GRID1: variants seen among roughly 807,000 people sequenced by gnomAD.
GRID1 encodes glutamate receptor ionotropic, delta-1.
GRID1 carries 28 observed loss-of-function variants against 98.0 expected under a neutral mutation model. That is an observed-to-expected ratio of 0.29 (90% CI 0.21 to 0.39). The LOEUF (loss-of-function observed/expected upper bound fraction) is 0.39, where lower values mean the gene tolerates loss of function less well. Among genes scored for constraint, GRID1 ranks in the 10% least tolerant of loss-of-function variants. The pLI is 1.00. For synonymous variants in GRID1, 553 were observed against 538.5 expected (o/e 1.03, Z -0.37); for missense variants, 1,111 against 1,340.5 (o/e 0.83, Z 2.67).
In GRID1 at chr10:85,762,608, C is replaced by T. The variant is rs144061134; in HGVS notation, c.1234-32994G>A. Among the ~76,000 whole-genome samples, 7 of 152,232 alleles carry T rather than the reference C, an allele frequency of 4.6e-5. No individual in the cohort carries two copies. In the East Asian group the frequency reaches 1.4e-3, roughly 29 times the overall value. ...CTTTCAGATAAGCCCTAGACTGCTGCGTGTGCCAGAGAGAGGGCAAAAGGC... is the reference window on the plus strand; with the variant it reads ...CTTTCAGATAAGCCCTAGACTGCTGTGTGTGCCAGAGAGAGGGCAAAAGGC... On this transcript the variant is annotated intron_variant, in intron 8 of 15. Transcript: ENST00000327946.
chr10:86,252,314 T>A (rs1217938357), intron 2 of GRID1, among the ~76,000 whole-genome samples: 1 of 152,210 alleles, frequency 6.6e-6, no homozygotes, highest in Non-Finnish European at 1.5e-5. Context: ...GTCACATCCA[T>A]CCAGGCCTGG....
chr10:85,628,326 A>AAT (rs1308769400), intron 13 of GRID1, among the ~76,000 whole-genome samples: 1 of 151,262 alleles, frequency 6.6e-6, no homozygotes, highest in East Asian at 1.9e-4. Context: ...AGTGTGAGGG[A>AAT]ATGTGTGTGT....
At chr10:86,181,883 G>C (rs779886767) in intron 3 of GRID1, among the ~76,000 whole-genome samples, 3 of 152,126 alleles carry the variant, frequency 2.0e-5, no homozygotes, top group Non-Finnish European at 2.9e-5. Flanking sequence ...GGGCAGGAAC[G>C]TTGACCCCCT....
intron 8 of GRID1, among the ~76,000 whole-genome samples, chr10:85,854,018 C>T (rs953720454): frequency 1.3e-5 from 2 of 152,162 alleles, no homozygotes; most frequent in Non-Finnish European, 2.9e-5. Context: ...TTTATCTTTC[C>T]GCTGGCCTCT....
At chr10:85,907,779 T>C (rs975321333) in intron 5 of GRID1, among the ~76,000 whole-genome samples, 1 of 152,020 alleles carries the variant, frequency 6.6e-6, no homozygotes, top group Non-Finnish European at 1.5e-5. Context: ...AATCAAAAAT[T>C]TAATGAATCA....
intron 12 of GRID1, among the ~76,000 whole-genome samples, chr10:85,699,241 T>A (rs759443649): frequency 6.6e-6 from 1 of 151,972 alleles, no homozygotes. Flanking sequence ...TTAGTAACTA[T>A]GGGGTTTTGC....
intron 2 of GRID1, among the ~76,000 whole-genome samples, chr10:86,270,181 C>A (rs925979579): frequency 3.3e-5 from 5 of 152,214 alleles, no homozygotes; most frequent in African/African-American, 1.2e-4. Context: ...CTTTCCCTCA[C>A]CCCTTCAGAC....
intron 4 of GRID1, among the ~76,000 whole-genome samples, chr10:86,089,479 C>T (rs1206327282): frequency 1.3e-5 from 2 of 152,190 alleles, no homozygotes; most frequent in African/African-American, 4.8e-5. Context: ...GTAAGGAAGA[C>T]CCATGAGCCT....
chr10:86,363,806 C>G (rs1328027821), intron 2 of GRID1, 135 bp downstream of exon 2: 3 of 725,538 alleles, frequency 4.1e-6, no homozygotes, highest in African/African-American at 1.9e-5. Context: ...GGCGCGCCAC[C>G]GCGCATGGCA....
In GRID1 at chr10:86,004,708, C is replaced by T. The variant is rs541065087; in HGVS notation, c.727-88469G>A. On this transcript the variant is annotated intron_variant, in intron 4 of 15. Coordinates refer to ENST00000327946, the MANE Select transcript of GRID1 (RefSeq NM_017551.3). Reference sequence around the variant, plus strand: ...GATTCCTTAAAATCTCTCTATCTCTCTCTGTCTCTCTCTCTTTCTACACAC... The same window carrying T: ...GATTCCTTAAAATCTCTCTATCTCTTTCTGTCTCTCTCTCTTTCTACACAC... Among the ~76,000 whole-genome samples, 8 of 145,262 alleles carry T rather than the reference C, an allele frequency of 5.5e-5. No homozygotes were observed. In the South Asian group the frequency reaches 1.8e-3, roughly 32 times the overall value.
At chr10:86,056,983 T>A (rs1255979317) in intron 4 of GRID1, among the ~76,000 whole-genome samples, 2 of 152,216 alleles carry the variant, frequency 1.3e-5, no homozygotes, top group Non-Finnish European at 2.9e-5. Flanking sequence ...TAGACTGTGG[T>A]AGAACTCTTA....
intron 4 of GRID1, among the ~76,000 whole-genome samples, chr10:85,940,066 CAAAAAAAA>C (rs34122685): frequency 2.0e-5 from 2 of 99,418 alleles, no homozygotes; most frequent in African/African-American, 7.8e-5. Flanking sequence ...GACTCCCTCT[CAAAAAAAA>C]AAAAAAAAAA....
chr10:86,356,898 A>G (rs1848540527), intron 2 of GRID1, among the ~76,000 whole-genome samples: 1 of 152,220 alleles, frequency 6.6e-6, no homozygotes, highest in Non-Finnish European at 1.5e-5. Flanking sequence ...TAGAAGGCTC[A>G]GTGAAGAGGG....
In GRID1 at chr10:86,300,084, C is replaced by T. The variant is rs539596109; in HGVS notation, c.235+63857G>A. Among the ~76,000 whole-genome samples, 9 of 152,152 alleles carry T rather than the reference C, an allele frequency of 5.9e-5. No individual in the cohort carries two copies. In the East Asian group the frequency reaches 1.7e-3, roughly 30 times the overall value. On this transcript the variant is annotated intron_variant, in intron 2 of 15. Coordinates refer to ENST00000327946, the MANE Select transcript of GRID1 (RefSeq NM_017551.3). ...CCTTACATCCAACACCTGGTGTCCT[C>T]ATATGACGAGGAGAGAACACACAGA...
intron 8 of GRID1, among the ~76,000 whole-genome samples, chr10:85,820,457 G>T (rs147372716): frequency 6.6e-6 from 1 of 152,124 alleles, no homozygotes; most frequent in Non-Finnish European, 1.5e-5. Context: ...AAGGATGTGG[G>T]AGTTCTTCAT....
At chr10:85,629,173 T>A (rs1005423218) in intron 13 of GRID1, among the ~76,000 whole-genome samples, 2 of 152,148 alleles carry the variant, frequency 1.3e-5, no homozygotes, top group African/African-American at 4.8e-5. Context: ...AGAATGAGAG[T>A]AATTTTGCAT....
intron 5 of GRID1, among the ~76,000 whole-genome samples, chr10:85,908,279 T>C (rs1841489654): frequency 1.3e-5 from 2 of 152,194 alleles, no homozygotes; most frequent in African/African-American, 2.4e-5. Flanking sequence ...ATATTTTCTC[T>C]AAGAAAATCT....
chr10:85,889,167 A>G (rs562921556), intron 5 of GRID1, among the ~76,000 whole-genome samples: 1 of 152,290 alleles, frequency 6.6e-6, no homozygotes, highest in East Asian at 1.9e-4. Context: ...CAGTTCAACA[A>G]TCAAGGCAGA....
intron 5 of GRID1, among the ~76,000 whole-genome samples, chr10:85,892,692 G>C (rs1020330962): frequency 4.0e-5 from 6 of 151,738 alleles, no homozygotes; most frequent in African/African-American, 2.4e-5. Flanking sequence ...TAAAAAAATA[G>C]AATGTGTTCT....
Sources: allele counts gnomAD v4.1 joint callset (sites outside exome capture counted in the v4.1 genomes callset), GRCh38; gene constraint gnomAD v4.1.1; transcripts MANE v1.5; gene names NCBI Gene and HGNC (gene_info 2026-07-23, HGNC 2026-07-21).